Variants in ZNF608 observed in about 807,000 individuals in gnomAD.
The protein encoded by ZNF608 is renal carcinoma antigen NY-REN-36.
In ZNF608, 12 loss-of-function variants were observed where a neutral mutation model predicts 109.0. The observed-to-expected ratio is 0.11, with a 90% CI of 0.07 to 0.18. ZNF608 has a LOEUF of 0.18. Ranked by LOEUF, ZNF608 falls within the 10% of genes least tolerant of loss-of-function variation. The pLI, the probability that ZNF608 is intolerant of heterozygous loss-of-function variation, is 1.00. For synonymous variants in ZNF608, 732 were observed against 717.4 expected (o/e 1.02, Z -0.33); for missense variants, 1,707 against 1,879.3 (o/e 0.91, Z 1.70).
chr5:124,700,526 C>T (rs1290896236), intron 3 of ZNF608, among the ~76,000 whole-genome samples: 2 of 152,196 alleles, frequency 1.3e-5, no homozygotes, highest in African/African-American at 4.8e-5. Context: ...TTGGCCCTGG[C>T]CTCATTACTT....
At chr5:124,660,211 A>T (rs1159009991) in intron 3 of ZNF608, among the ~76,000 whole-genome samples, 4 of 152,130 alleles carry the variant, frequency 2.6e-5, no homozygotes, top group African/African-American at 7.2e-5. Flanking sequence ...AGAATGGGAG[A>T]GATCTGCATG....
In ZNF608 at chr5:124,649,046, G is replaced by T; in HGVS notation, c.1338C>A (p.Gly446=). The change falls in exon 5 of 10, where the codon GGC becomes GGA. Residue 446 remains glycine (G), a synonymous_variant. Transcript: ENST00000513986. ...KRARSAAAAP[G]SEASFTESRG... Reference sequence around the variant, plus strand: ...TGGACTCTGTGAAGCTGGCCTCGGAGCCCGGGGCAGCAGCAGCAGACCTCG... The same window carrying T: ...TGGACTCTGTGAAGCTGGCCTCGGATCCCGGGGCAGCAGCAGCAGACCTCG... 1 of 1,614,044 alleles carries T rather than the reference G, an allele frequency of 6.2e-7. No homozygotes were observed. The highest frequency in any genetic ancestry group is 8.5e-7 in the Non-Finnish European group (1 of 1,179,968).
intron 3 of ZNF608, among the ~76,000 whole-genome samples, chr5:124,656,201 A>G (rs772221481): frequency 6.6e-6 from 1 of 152,174 alleles, no homozygotes; most frequent in African/African-American, 2.4e-5. Flanking sequence ...GAGATAGGGC[A>G]GTACTAACAA....
In ZNF608 at chr5:124,744,655, G is replaced by T. The variant is rs1239749346; in HGVS notation, c.335C>A (p.Ser112Tyr). Residue 112 changes from serine (S) to tyrosine (Y), a missense_variant, in exon 2 of 10, where the codon TCT becomes TAT. Physicochemically the swap from Ser to Tyr is moderately radical, Grantham distance 144. Around this residue, in one of 7 missense-constraint regions of ZNF608, gnomAD observed 407 missense variants for 398.7 expected, o/e 1.02. Coordinates refer to ENST00000513986, the MANE Select transcript of ZNF608 (RefSeq NM_020747.3). This position sits in a 1 kb window ranked among gnomAD's most constrained non-coding sequence, Gnocchi z 4.5. ...SKSKVKRSKT[S>Y]KDANKSLPSA... ...AGGCAGAGATTTATTAGCATCCTTA[G>T]AAGTTTTACTCCTTTTCACTTTTGA... 2 of 1,614,180 alleles carry T rather than the reference G, an allele frequency of 1.2e-6. No individual in the cohort carries two copies. The highest frequency in any genetic ancestry group is 2.2e-5 in the East Asian group (1 of 44,866).
At chr5:124,657,427 C>T (rs1433368970) in intron 3 of ZNF608, among the ~76,000 whole-genome samples, 1 of 151,998 alleles carries the variant, frequency 6.6e-6, no homozygotes, top group Non-Finnish European at 1.5e-5. Flanking sequence ...TTTGGGAGGC[C>T]GAGGCGGGTG....
chr5:124,741,499 A>G (rs948145016), intron 2 of ZNF608, among the ~76,000 whole-genome samples: 1 of 151,932 alleles, frequency 6.6e-6, no homozygotes, highest in Admixed American at 6.6e-5. Flanking sequence ...AAAATTAATA[A>G]TCTTCACTCT....
At chr5:124,638,086 G>A (rs982423849) in intron 9 of ZNF608, among the ~76,000 whole-genome samples, 180 bp from the exon 10 acceptor site, 3 of 151,468 alleles carry the variant, frequency 2.0e-5, no homozygotes, top group African/African-American at 7.3e-5. Context: ...GAGTAGCTGG[G>A]ATTATAGGCA....
chr5:124,647,360 G>A lies in ZNF608; in HGVS notation c.3024C>T (p.Tyr1008=), dbSNP rs576982937. The change falls in exon 5 of 10, where the codon TAC becomes TAT. Residue 1008 remains tyrosine (Y), a synonymous_variant. Transcript: ENST00000513986. Reference sequence around the variant, plus strand: ...GGGCACCGACCTGCCCAGGGTGCATGTAACTTGGAGAATAATAAGGATCAT... The same window carrying A: ...GGGCACCGACCTGCCCAGGGTGCATATAACTTGGAGAATAATAAGGATCAT... ...HSYDPYYSPS[Y]MHPGQVGAPA... is the part of the protein sequence containing the mutation. The A allele has an allele frequency of 7.4e-6, 12 of 1,614,228 alleles. No individual in the cohort carries two copies. The Admixed American group carries it at 1.3e-4, about 18-fold the overall frequency.
chr5:124,661,892 G>C (rs776630812), intron 3 of ZNF608, among the ~76,000 whole-genome samples: 9 of 152,152 alleles, frequency 5.9e-5, no homozygotes, highest in Non-Finnish European at 1.2e-4. Flanking sequence ...TCTAGTCCTT[G>C]ATATCACCTA....
intron 2 of ZNF608, among the ~76,000 whole-genome samples, chr5:124,705,201 A>G (rs1284827248): frequency 6.6e-6 from 1 of 152,216 alleles, no homozygotes; most frequent in Non-Finnish European, 1.5e-5. Flanking sequence ...TCTTCAGCCA[A>G]TGAAGGTCAT....
At chr5:124,645,126 C>T (rs1045396663) in intron 5 of ZNF608, among the ~76,000 whole-genome samples, 3 of 152,156 alleles carry the variant, frequency 2.0e-5, no homozygotes, top group Non-Finnish European at 4.4e-5. Flanking sequence ...TAAGTAATTG[C>T]TATAGCTATT....
intron 3 of ZNF608, among the ~76,000 whole-genome samples, chr5:124,658,992 G>A (rs1000226098): frequency 1.3e-5 from 2 of 151,868 alleles, no homozygotes; most frequent in African/African-American, 4.8e-5. Flanking sequence ...AGTGGCCCTG[G>A]GCACATAGCA....
rs755749436 is a variant in ZNF608, at chr5:124,744,455, C to T, written c.535G>A (p.Ala179Thr). The T allele has an allele frequency of 2.5e-6, 4 of 1,614,236 alleles. No individual in the cohort carries two copies. The South Asian group carries it at 4.4e-5, about 18-fold the overall frequency. ...CTTTTCCCACAGGAGCCTGCCCCCG[C>T]GGTGGCGGCAGAGGTGCTGGTGCTG... ...STSTSTSAAT[A>T]GAGSCGKSKE... Residue 179 changes from alanine (A) to threonine (T), a missense_variant, in exon 2 of 10, where the codon GCG becomes ACG. By Grantham distance (58) the Ala-to-Thr change is moderately conservative. This residue lies in a region of ZNF608 where 407 missense variants were observed against 398.7 expected (regional missense o/e 1.02). Coordinates refer to ENST00000513986, the MANE Select transcript of ZNF608 (RefSeq NM_020747.3). The surrounding 1 kb of genome is among the most constrained non-coding windows in gnomAD (Gnocchi z 4.5).
chr5:124,641,929 T>A lies in ZNF608; in HGVS notation c.4297-524A>T, dbSNP rs1461009773. On this transcript the variant is annotated intron_variant, in intron 7 of 9. Transcript: ENST00000513986. The stretch of plus-strand genomic sequence containing the variant: ...TACACCCACATTTTGAATCTCTCAA[T>A]TTTTGAACTCTCAAAGAGAAGGCCC... Among the ~76,000 whole-genome samples, 3 of 152,196 alleles carry A rather than the reference T, an allele frequency of 2.0e-5. No individual in the cohort carries two copies. In the East Asian group the frequency reaches 5.8e-4, roughly 29 times the overall value.
At position 124,649,579 on chromosome 5, in the gene ZNF608, G is replaced by A. The variant is rs369343605; in HGVS notation, c.1250+31C>T. Reference sequence around the variant, plus strand: ...AGTTTCCCTGCAAAGAGAGGATGGGGAAGGAGAGAAATAAAAGGCCCTGTT... The same window carrying A: ...AGTTTCCCTGCAAAGAGAGGATGGGAAAGGAGAGAAATAAAAGGCCCTGTT... On this transcript the variant is annotated intron_variant, in intron 4 of 9. Coordinates refer to ENST00000513986, the MANE Select transcript of ZNF608 (RefSeq NM_020747.3). 7 of 1,541,544 alleles carry A rather than the reference G, an allele frequency of 4.5e-6. No individual in the cohort carries two copies. In the East Asian group the frequency reaches 9.0e-5, roughly 20 times the overall value.
intron 3 of ZNF608, among the ~76,000 whole-genome samples, chr5:124,684,003 G>C (rs141436194): frequency 6.6e-6 from 1 of 152,260 alleles, no homozygotes; most frequent in East Asian, 1.9e-4. Flanking sequence ...ACTCAAACCA[G>C]ACCCTGCTTT....
chr5:124,677,447 G>A (rs543074030), intron 3 of ZNF608, among the ~76,000 whole-genome samples: 1 of 152,322 alleles, frequency 6.6e-6, no homozygotes, highest in African/African-American at 2.4e-5. Flanking sequence ...ACACAGCACA[G>A]GGTCTGTAAG....
Position 124,644,434 on chromosome 5 carries a change from C to T in ZNF608, c.3933G>A (p.Leu1311=), listed in dbSNP as rs145492193. The part of the protein sequence containing the change: ...PDSQSMEESK[L]KNDDRKTPVN... ...CAGGAGTCTTTCGATCATCATTTTT[C>T]AGCTTGCTCTCCTCCATTGATTGAG... The change falls in exon 6 of 10, where the codon CTG becomes CTA. Residue 1311 remains leucine, a synonymous_variant. Transcript: ENST00000513986. 1 of 1,614,070 alleles carries T rather than the reference C, an allele frequency of 6.2e-7. No homozygotes were observed. Among genetic ancestry groups the T allele is most frequent in the Non-Finnish European group, 8.5e-7 (1 of 1,180,048 alleles).
Position 124,644,298 on chromosome 5 carries a change from G to A in ZNF608, c.4069C>T (p.Pro1357Ser), listed in dbSNP as rs150942699. The A allele has an allele frequency of 2.3e-4, 365 of 1,613,824 alleles. 1 individual carries two copies. The African/African-American group carries it at 4.7e-3, about 21-fold the overall frequency. Reference protein sequence around the residue: ...HAYPYPQMYDPSHPAYRAVSP... With the variant: ...HAYPYPQMYDSSHPAYRAVSP... Reference sequence around the variant, plus strand: ...ACAGCCCGGTATGCAGGATGGCTGGGGTCGTACATCTGTGGGTAAGGATAA... The same window carrying A: ...ACAGCCCGGTATGCAGGATGGCTGGAGTCGTACATCTGTGGGTAAGGATAA... Residue 1357 changes from proline (P) to serine (S), a missense_variant, in exon 6 of 10, where the codon CCC (proline) becomes TCC (serine). Coordinates refer to ENST00000513986, the MANE Select transcript of ZNF608 (RefSeq NM_020747.3).
Sources: gnomAD v4.1 joint callset for allele counts (sites outside exome capture counted in the v4.1 genomes callset) on GRCh38, gnomAD v4.1.1 for gene constraint, gnomAD v4.1.1 regional missense constraint, Gnocchi (gnomAD v3.1) non-coding constraint, MANE v1.5 for transcripts, NCBI Gene and HGNC (gene_info 2026-07-23, HGNC 2026-07-21) for gene names.